The following STAB2 variants were observed in gnomAD, a reference collection of about 807,000 sequenced individuals.
The protein encoded by STAB2 is stabilin-2.
A neutral mutation model predicts 338.1 loss-of-function variants in STAB2; 288 were observed. The observed-to-expected ratio is 0.85, with a 90% CI of 0.77 to 0.94. STAB2 has a LOEUF of 0.94. Ranked by LOEUF, STAB2 falls within the 40% of genes least tolerant of loss-of-function variation. The pLI, the probability that STAB2 is intolerant of heterozygous loss-of-function variation, is 0.00. For synonymous variants in STAB2, 1,202 were observed against 1,193.3 expected, an observed-to-expected ratio of 1.01 and a Z score of -0.15; for missense variants, 3,141 against 3,210.1, an observed-to-expected ratio of 0.98 and a Z score of 0.52.
intron 31 of STAB2, among the ~76,000 whole-genome samples, chr12:103,693,799 A>C (rs1878162475): frequency 6.6e-6 from 1 of 152,308 alleles, no homozygotes; most frequent in African/African-American, 2.4e-5. Context: ...TTTAGGGTAC[A>C]TTGGGAACTT....
At chr12:103,643,958 G>A (rs1386934113) in intron 9 of STAB2, among the ~76,000 whole-genome samples, 4 of 83,380 alleles carry the variant, frequency 4.8e-5, no homozygotes, top group Admixed American at 1.1e-4. Context: ...GAGGTGAGGG[G>A]CGCCTCTGCC....
chr12:103,755,331 G>A lies in STAB2; in HGVS notation c.6744G>A (p.Trp2248Ter). ...AGTACCACCTGTGCTCAGCAGGCTG[G>A]CTGGAGACCGGGCGGGTTGCCTACC... is the stretch of plus-strand genomic sequence containing the variant. ...KAKYHLCSAGWLETGRVAYPT... is the reference protein window; with the variant it reads ...KAKYHLCSAG The change falls in exon 62 of 69, where the codon TGG becomes TGA. Residue 2248 changes from tryptophan (W) to a stop codon, truncating the protein, a stop_gained. Transcript: ENST00000388887. LOFTEE classifies it high-confidence loss of function. 2 of 1,614,088 alleles carry A rather than the reference G, an allele frequency of 1.2e-6. No individual in the cohort carries two copies. The highest frequency in any genetic ancestry group is 1.1e-5 in the South Asian group (1 of 91,080).
intron 3 of STAB2, among the ~76,000 whole-genome samples, chr12:103,617,541 G>C (rs11111681): frequency 0.069 from 10,532 of 152,290 alleles, 390 homozygotes; most frequent in Non-Finnish European, 0.081. Context: ...AAAGCAAAGG[G>C]TTATAAGCAA....
At chr12:103,712,289 G>T in intron 40 of STAB2, 78 bp from the exon 41 acceptor site, 2 of 1,110,134 alleles carry the variant, frequency 1.8e-6, no homozygotes. Flanking sequence ...GGATACTGAG[G>T]GTGAAGGGCA....
intron 5 of STAB2, among the ~76,000 whole-genome samples, chr12:103,629,640 G>A (rs1037963944): frequency 4.6e-5 from 7 of 152,220 alleles, no homozygotes; most frequent in Admixed American, 4.6e-4. Context: ...CAGAGGAAAA[G>A]CCTGGAGGTG....
intron 3 of STAB2, among the ~76,000 whole-genome samples, chr12:103,608,433 C>T (rs1178827980): frequency 2.6e-5 from 4 of 152,106 alleles, no homozygotes; most frequent in Admixed American, 6.6e-5. Flanking sequence ...TGAGCCACCG[C>T]GCCCAGCCTA....
intron 23 of STAB2, among the ~76,000 whole-genome samples, chr12:103,675,101 C>T (rs1876211159): frequency 6.6e-6 from 1 of 152,046 alleles, no homozygotes; most frequent in African/African-American, 2.4e-5. Context: ...GTATTTTGTT[C>T]CTGTAGGAAG....
chr12:103,688,984 G>A (rs980155973), intron 28 of STAB2, among the ~76,000 whole-genome samples: 5 of 149,002 alleles, frequency 3.4e-5, no homozygotes, highest in African/African-American at 1.2e-4. Context: ...ATAGAAATCA[G>A]TAAATACTAC....
At chr12:103,647,216 G>A (rs1176883404) in intron 9 of STAB2, among the ~76,000 whole-genome samples, 3 of 152,200 alleles carry the variant, frequency 2.0e-5, no homozygotes, top group African/African-American at 7.2e-5. Flanking sequence ...GGTTGAGGCT[G>A]TGCAACAATC....
rs1395245956 is a variant in STAB2 at position 103,706,862 on chromosome 12, G to C, written c.4067G>C (p.Cys1356Ser). ...TGCCCAGGGAATGCCCAGAATGTCTGCTTTGGTAATGGCATCTGTTTGGAT... is the reference window on the plus strand; with the variant it reads ...TGCCCAGGGAATGCCCAGAATGTCTCCTTTGGTAATGGCATCTGTTTGGAT... The part of the protein sequence containing the change: ...QPCPGNAQNV[C>S]FGNGICLDGV... Residue 1356 changes from cysteine to serine, a missense_variant, in exon 38 of 69, where the codon TGC becomes TCC. By Grantham distance (112) the Cys-to-Ser change is moderately radical (BLOSUM62 -1). Coordinates refer to ENST00000388887, the MANE Select transcript of STAB2 (RefSeq NM_017564.10). The C allele has an allele frequency of 6.2e-7, 1 of 1,614,128 alleles. No individual in the cohort carries two copies. Among genetic ancestry groups the C allele is most frequent in the African/African-American group, 1.3e-5 (1 of 74,944 alleles).
chr12:103,688,318 C>A, intron 28 of STAB2, 103 bp downstream of exon 28: 1 of 1,122,038 alleles, frequency 8.9e-7, no homozygotes, highest in East Asian at 2.4e-5. Flanking sequence ...GGAGTGTAGG[C>A]AATTGTGCTG....
Position 103,730,147 on chromosome 12 carries a change from T to C in STAB2, c.5114T>C (p.Ile1705Thr). 1 of 1,612,330 alleles carries C rather than the reference T, an allele frequency of 6.2e-7. No individual in the cohort carries two copies. The highest frequency in any genetic ancestry group is 8.5e-7 in the Non-Finnish European group (1 of 1,179,454). ...STVYINNKAKIISSDIISTNG... is the reference protein window; with the variant it reads ...STVYINNKAKTISSDIISTNG... The stretch of plus-strand genomic sequence containing the variant: ...GTGTATATAAACAATAAGGCTAAGA[T>C]CATATCCAGTGATATCATCAGTACT... The change falls in exon 49 of 69, where the codon ATC becomes ACC. Residue 1705 changes from isoleucine (I) to threonine (T), a missense_variant. By Grantham distance (89) the Ile-to-Thr change is moderately conservative. Transcript: ENST00000388887.
chr12:103,603,910 T>C (rs1370505388), intron 3 of STAB2, among the ~76,000 whole-genome samples: 1 of 152,180 alleles, frequency 6.6e-6, no homozygotes, highest in African/African-American at 2.4e-5. Context: ...TTGTATAAAT[T>C]TCAGCTTACA....
At chr12:103,667,729 C>G (rs570149897) in intron 19 of STAB2, among the ~76,000 whole-genome samples, 1 of 152,136 alleles carries the variant, frequency 6.6e-6, no homozygotes, top group East Asian at 1.9e-4. Context: ...ATTTTATAGC[C>G]TAGGAAAGTC....
chr12:103,724,955 C>A lies in STAB2; in HGVS notation c.4684-20C>A, dbSNP rs1478440642. The A allele has an allele frequency of 1.2e-6, 2 of 1,612,566 alleles. No homozygotes were observed. The highest frequency in any genetic ancestry group is 1.3e-5 in the African/African-American group (1 of 75,040). On this transcript the variant is annotated intron_variant, in intron 44 of 68. Coordinates refer to ENST00000388887, the MANE Select transcript of STAB2 (RefSeq NM_017564.10). ...TAACTGGTCTAATCCCCATCCCTTG[C>A]CCCTTGGCAATTTTACCAGAAAAAT...
At chr12:103,670,651 G>A in intron 21 of STAB2, 45 bp from the exon 22 acceptor site, 12 of 1,477,220 alleles carry the variant, frequency 8.1e-6, no homozygotes, top group Non-Finnish European at 1.1e-5. Context: ...AAACACCTGA[G>A]AACTATGTGT....
intron 58 of STAB2, 119 bp downstream of exon 58, chr12:103,746,823 C>A (rs181778556): frequency 6.8e-6 from 6 of 888,220 alleles, no homozygotes; most frequent in Non-Finnish European, 1.1e-5. Flanking sequence ...TTCAGCAGCA[C>A]CTACCCTCTC....
chr12:103,640,116 A>G lies in STAB2; in HGVS notation c.907-7A>G, dbSNP rs1354128407. On this transcript the variant is annotated splice_polypyrimidine_tract_variant and splice_region_variant and intron_variant, in intron 8 of 68. Transcript: ENST00000388887. ...CCTATTTGTTTTTCTCTTCCTGTCT[A>G]CTGAAGTCTCACTGCGAGTGTAAGG... 1 of 1,608,922 alleles carries G rather than the reference A, an allele frequency of 6.2e-7. No homozygotes were observed. The highest frequency in any genetic ancestry group is 8.5e-7 in the Non-Finnish European group (1 of 1,176,874).
chr12:103,631,472 A>G (rs2138666030), intron 5 of STAB2, 126 bp from the exon 6 acceptor site: 1 of 827,918 alleles, frequency 1.2e-6, no homozygotes, highest in Non-Finnish European at 1.9e-6. Flanking sequence ...CTGATAAAAG[A>G]GAGAGGAGCC....
Sources: gnomAD v4.1 joint callset for allele counts (sites outside exome capture counted in the v4.1 genomes callset) on GRCh38, gnomAD v4.1.1 for gene constraint, MANE v1.5 for transcripts, NCBI Gene and HGNC (gene_info 2026-07-23, HGNC 2026-07-21) for gene names.